The following ZEB1 variants were observed in gnomAD, a reference collection of about 807,000 sequenced individuals.
The protein encoded by ZEB1 is zinc finger E-box-binding homeobox 1.
Under a neutral mutation model 84.9 loss-of-function variants are expected in ZEB1, and 21 were observed. The observed-to-expected ratio is 0.25, with a 90% CI of 0.18 to 0.36. ZEB1 has a LOEUF of 0.36. Among genes scored for constraint, ZEB1 ranks in the 10% least tolerant of loss-of-function variants. The probability of loss-of-function intolerance (pLI) is 1.00; values close to 1 mark genes in which losing one functional copy is unlikely to be tolerated. For synonymous variants in ZEB1, 420 were observed against 471.1 expected (o/e 0.89, Z 1.41); for missense variants, 1,104 against 1,330.2 (o/e 0.83, Z 2.65).
chr10:31,487,015 A>G (rs2065845914), intron 2 of ZEB1, among the ~76,000 whole-genome samples: 1 of 151,404 alleles, frequency 6.6e-6, no homozygotes, highest in South Asian at 2.1e-4. Flanking sequence ...TGTTGAAAAG[A>G]CTATTCTTTC....
At chr10:31,388,167 AG>A (rs1431663081) in intron 1 of ZEB1, among the ~76,000 whole-genome samples, 1 of 152,174 alleles carries the variant, frequency 6.6e-6, no homozygotes, top group East Asian at 1.9e-4. Context: ...GGTCAGTCTT[AG>A]GCAAGAATAC....
intron 7 of ZEB1, among the ~76,000 whole-genome samples, chr10:31,523,204 A>C (rs2072750647): frequency 6.6e-6 from 1 of 152,270 alleles, no homozygotes; most frequent in African/African-American, 2.4e-5. Context: ...TAGGGGACCC[A>C]GTTCCACAAC....
Position 31,520,625 on chromosome 10 carries a change from G to A in ZEB1, c.1293G>A (p.Glu431=). Residue 431 remains glutamate, a synonymous_variant, in exon 7 of 9, where the codon GAG becomes GAA. Transcript: ENST00000424869. The surrounding 1 kb of genome is among the most constrained non-coding windows in gnomAD (Gnocchi z 5.1). ...GTAATGTAATAAGGCAAGTGTTGGA[G>A]AATAATCAAGCCAATCTTGCATCCA... ...VDGNVIRQVL[E]NNQANLASKE... 6.2e-7 allele frequency: 1 copy of A among 1,613,950 alleles called. No homozygotes were observed. The highest frequency in any genetic ancestry group is 8.5e-7 in the Non-Finnish European group (1 of 1,179,970).
chr10:31,494,965 C>T (rs540243158), intron 2 of ZEB1, among the ~76,000 whole-genome samples: 29 of 151,908 alleles, frequency 1.9e-4, no homozygotes, highest in African/African-American at 6.5e-4. Flanking sequence ...ATTAGAATAA[C>T]GAATAAAGTG....
chr10:31,453,488 A>G (rs2060838233), intron 1 of ZEB1, among the ~76,000 whole-genome samples: 1 of 152,170 alleles, frequency 6.6e-6, no homozygotes, highest in African/African-American at 2.4e-5. Context: ...ATACTCATAT[A>G]AGTTATCTAA....
intron 3 of ZEB1, among the ~76,000 whole-genome samples, chr10:31,498,268 G>T (rs574414386): frequency 1.1e-4 from 16 of 152,212 alleles, no homozygotes; most frequent in Admixed American, 2.0e-4. Context: ...CCTGGTAAAT[G>T]TGGGTTCATG....
chr10:31,409,366 T>G (rs2053778029), intron 1 of ZEB1, among the ~76,000 whole-genome samples: 1 of 151,814 alleles, frequency 6.6e-6, no homozygotes, highest in Non-Finnish European at 1.5e-5. Flanking sequence ...GAACTAGAAA[T>G]GGTCTATATG....
At chr10:31,376,826 A>G (rs1590548153) in intron 1 of ZEB1, among the ~76,000 whole-genome samples, 1 of 151,762 alleles carries the variant, frequency 6.6e-6, no homozygotes, top group Non-Finnish European at 1.5e-5. Context: ...TTAGTTAATA[A>G]TTACAATAAT....
chr10:31,417,092 A>T (rs1160489227), intron 1 of ZEB1, among the ~76,000 whole-genome samples: 1 of 152,142 alleles, frequency 6.6e-6, no homozygotes, highest in African/African-American at 2.4e-5. Flanking sequence ...ATGTGCCAAC[A>T]ATTTATTTAA....
chr10:31,491,606 C>T (rs1199167874), intron 2 of ZEB1, among the ~76,000 whole-genome samples: 2 of 151,858 alleles, frequency 1.3e-5, no homozygotes, highest in African/African-American at 4.8e-5. Context: ...TCACCCTGTG[C>T]TACTCTGAAT....
chr10:31,373,896 C>T (rs2046163415), intron 1 of ZEB1, among the ~76,000 whole-genome samples: 1 of 151,704 alleles, frequency 6.6e-6, no homozygotes, highest in African/African-American at 2.4e-5. Flanking sequence ...TTTTCATATA[C>T]TTCAGATGAC....
intron 3 of ZEB1, among the ~76,000 whole-genome samples, chr10:31,498,913 T>C (rs1482568295): frequency 6.6e-6 from 1 of 152,084 alleles, no homozygotes; most frequent in Non-Finnish European, 1.5e-5. Context: ...ATATTACTTC[T>C]AGAAGGAAAA....
intron 2 of ZEB1, among the ~76,000 whole-genome samples, chr10:31,472,328 AAAAG>A (rs1185521988): frequency 6.6e-6 from 1 of 151,732 alleles, no homozygotes; most frequent in African/African-American, 2.4e-5. Context: ...GACTAATAAA[AAAAG>A]AGAGAAGAAT....
intron 4 of ZEB1, among the ~76,000 whole-genome samples, chr10:31,504,126 G>A (rs1200492713): frequency 6.6e-6 from 1 of 151,586 alleles, no homozygotes; most frequent in African/African-American, 2.4e-5. Flanking sequence ...ATCTTGAGTT[G>A]ATTTTTGTAT....
At chr10:31,344,001 TC>T (rs1489967517) in intron 1 of ZEB1, among the ~76,000 whole-genome samples, 1 of 152,088 alleles carries the variant, frequency 6.6e-6, no homozygotes, top group Non-Finnish European at 1.5e-5. Flanking sequence ...GACATTTCTT[TC>T]TGAGGAAAAG....
intron 7 of ZEB1, 129 bp downstream of exon 7, chr10:31,522,065 A>G (rs2072536476): frequency 7.1e-7 from 1 of 1,400,796 alleles, no homozygotes; most frequent in Non-Finnish European, 9.8e-7. Flanking sequence ...TTTTAAAAGG[A>G]TCAATGTTTG....
At chr10:31,398,528 T>G (rs1396034390) in intron 1 of ZEB1, among the ~76,000 whole-genome samples, 3 of 152,072 alleles carry the variant, frequency 2.0e-5, no homozygotes, top group Non-Finnish European at 4.4e-5. Context: ...TTTTCCCCCA[T>G]CTTAAAAAAA....
intron 2 of ZEB1, among the ~76,000 whole-genome samples, chr10:31,485,058 G>A (rs778560082): frequency 2.0e-5 from 3 of 151,778 alleles, no homozygotes; most frequent in Admixed American, 6.6e-5. Flanking sequence ...TAGTGAATTG[G>A]ATGAATGGAT....
chr10:31,456,030 G>A (rs575354149), intron 1 of ZEB1, among the ~76,000 whole-genome samples: 6 of 152,246 alleles, frequency 3.9e-5, no homozygotes, highest in African/African-American at 1.4e-4. Context: ...ATAATAGACT[G>A]GATAAAGAAA....
Sources: allele counts gnomAD v4.1 joint callset (sites outside exome capture counted in the v4.1 genomes callset), GRCh38; gene constraint gnomAD v4.1.1; non-coding constraint Gnocchi (gnomAD v3.1); transcripts MANE v1.5; gene names NCBI Gene and HGNC (gene_info 2026-07-23, HGNC 2026-07-21).